The following SEMA4C variants were observed in gnomAD, a reference collection of about 807,000 sequenced individuals.
SEMA4C encodes the protein semaphorin-4C.
In SEMA4C, 19 loss-of-function variants were observed where a neutral mutation model predicts 89.0. The ratio of observed to expected loss-of-function variants is 0.21; its 90% CI spans 0.15 to 0.31. The LOEUF is 0.31. SEMA4C is among the 10% of genes least tolerant of loss of function. The probability of loss-of-function intolerance (pLI) is 1.00; values close to 1 mark genes in which losing one functional copy is unlikely to be tolerated. For synonymous variants in SEMA4C, 428 were observed against 472.7 expected (o/e 0.91, Z 1.23); for missense variants, 811 against 1,107.0 (o/e 0.73, Z 3.79).
rs774153807 is a variant in SEMA4C at position 96,861,828 on chromosome 2, G to A, written c.1510C>T (p.Arg504Cys). ...GCGAGGACACAGTCTGCACAGGAGC[G>A]ATACTTCATGCAGTCGGCCACGGGC... ...QLPVADCMKYRSCADCVLARD... is the reference protein window; with the variant it reads ...QLPVADCMKYCSCADCVLARD... The change falls in exon 13 of 15, where the codon CGC becomes TGC. Residue 504 changes from arginine (R) to cysteine (C), a missense_variant. Around this residue, in one of 4 missense-constraint regions of SEMA4C, gnomAD observed 441 missense variants for 664.9 expected, o/e 0.66. Coordinates refer to ENST00000305476, the MANE Select transcript of SEMA4C (RefSeq NM_017789.5). This position sits in a 1 kb window ranked among gnomAD's most constrained non-coding sequence, Gnocchi z 7.8. 4.5e-5 allele frequency: 73 copies of A among 1,612,740 alleles called. No homozygotes were observed. The highest frequency in any genetic ancestry group is 5.8e-5 in the Non-Finnish European group (69 of 1,180,002).
At chr2:96,867,245 G>A (rs1229731853) in intron 2 of SEMA4C, among the ~76,000 whole-genome samples, 5 of 152,204 alleles carry the variant, frequency 3.3e-5, no homozygotes, top group Non-Finnish European at 7.3e-5. Context: ...TGGGAGGTGA[G>A]CTCATCCCAG....
intron 1 of SEMA4C, chr2:96,869,035 G>A: frequency 4.1e-6 from 4 of 985,330 alleles, no homozygotes; most frequent in Non-Finnish European, 4.8e-6. Flanking sequence ...CAGCTCCAGG[G>A]ATTTGAACGC....
chr2:96,860,283 C>T lies in SEMA4C; in HGVS notation c.*343G>A, dbSNP rs576389835. The T allele has an allele frequency of 4.6e-5, 13 of 280,706 alleles. No homozygotes were observed. In the East Asian group the frequency reaches 7.4e-4, roughly 16 times the overall value. The allele number at this position is 280,706 out of a possible 1,614,324, so 17.4% of individuals were successfully genotyped here. ...GAAGGCTATGCCACAAGCGCGCACGCGCGTGCACACACACATACACACACA... is the reference window on the plus strand; with the variant it reads ...GAAGGCTATGCCACAAGCGCGCACGTGCGTGCACACACACATACACACACA... On this transcript the variant is annotated 3_prime_UTR_variant, in exon 15 of 15. Coordinates refer to ENST00000305476, the MANE Select transcript of SEMA4C (RefSeq NM_017789.5).
chr2:96,867,197 G>T (rs78257260), intron 2 of SEMA4C, among the ~76,000 whole-genome samples: 11,447 of 152,244 alleles, frequency 0.075, 1,430 homozygotes, highest in African/African-American at 0.26. Flanking sequence ...GACACAGACC[G>T]GCATGGCAGG....
chr2:96,870,101 C>T, upstream of SEMA4C: 5 of 963,378 alleles, frequency 5.2e-6, no homozygotes, highest in Non-Finnish European at 6.2e-6. Flanking sequence ...CGGCTCTCCG[C>T]CCCCTTCCCC....
At position 96,861,314 on chromosome 2, in the gene SEMA4C, T is replaced by C. The variant is rs891369753; in HGVS notation, c.1814A>G (p.Tyr605Cys). The C allele has an allele frequency of 6.2e-7, 1 of 1,607,286 alleles. No individual in the cohort carries two copies. Among genetic ancestry groups the C allele is most frequent in the Non-Finnish European group, 8.5e-7 (1 of 1,179,884 alleles). ...LPAEQPGSFL[Y>C]DARLQALVVM... ...AACCAGGGCCTGGAGCCGGGCATCG[T>C]AGAGGAAGGACCCGGGCTGTTCCGC... Residue 605 changes from tyrosine to cysteine, a missense_variant, in exon 15 of 15, where the codon TAC (tyrosine) becomes TGC (cysteine). Around this residue, in one of 4 missense-constraint regions of SEMA4C, gnomAD observed 441 missense variants for 664.9 expected, o/e 0.66. Coordinates refer to ENST00000305476, the MANE Select transcript of SEMA4C (RefSeq NM_017789.5). The surrounding 1 kb of genome is among the most constrained non-coding windows in gnomAD (Gnocchi z 7.8).
chr2:96,863,106 A>C (rs2079989395), intron 12 of SEMA4C: 4 of 287,546 alleles, frequency 1.4e-5, no homozygotes, highest in Non-Finnish European at 2.1e-5. Context: ...GCTACTCAGG[A>C]GGCTGAGGCA....
At position 96,861,541 on chromosome 2, in the gene SEMA4C, A is replaced by G; in HGVS notation, c.1672+38T>C. 2 of 1,606,736 alleles carry G rather than the reference A, an allele frequency of 1.2e-6. No individual in the cohort carries two copies. Among genetic ancestry groups the G allele is most frequent in the Non-Finnish European group, 1.7e-6 (2 of 1,174,188 alleles). On this transcript the variant is annotated intron_variant, in intron 14 of 14. Coordinates refer to ENST00000305476, the MANE Select transcript of SEMA4C (RefSeq NM_017789.5). This position sits in a 1 kb window ranked among gnomAD's most constrained non-coding sequence, Gnocchi z 7.8. The stretch of plus-strand genomic sequence containing the variant: ...AGAACAGAAACTCCAGCTCTGGTCC[A>G]GGGCTCAGCCCGATGCGACGGGAAT...
At position 96,860,616 on chromosome 2, in the gene SEMA4C, G is replaced by A. The variant is rs1168265931; in HGVS notation, c.*10C>T. On this transcript the variant is annotated 3_prime_UTR_variant, in exon 15 of 15. Coordinates refer to ENST00000305476, the MANE Select transcript of SEMA4C (RefSeq NM_017789.5). Reference sequence around the variant, plus strand: ...TCCCACGCTTCCCGCCGACGCGGTGGGGGTTCCCCTCATACTGATGACTCC... The same window carrying A: ...TCCCACGCTTCCCGCCGACGCGGTGAGGGTTCCCCTCATACTGATGACTCC... The A allele has an allele frequency of 6.3e-7, 1 of 1,581,774 alleles. No individual in the cohort carries two copies. The highest frequency in any genetic ancestry group is 8.6e-7 in the Non-Finnish European group (1 of 1,162,080).
chr2:96,860,960 C>G lies in SEMA4C; in HGVS notation c.2168G>C (p.Cys723Ser), dbSNP rs2079927763. 1 of 1,612,946 alleles carries G rather than the reference C, an allele frequency of 6.2e-7. No homozygotes were observed. The highest frequency in any genetic ancestry group is 1.7e-5 in the Admixed American group (1 of 60,008). Reference protein sequence around the residue: ...KEPTSPPFRPCPEPDEKLWDP... With the variant: ...KEPTSPPFRPSPEPDEKLWDP... ...CCAAAGTTTCTCATCTGGTTCAGGACAGGGCCGGAAGGGGGGACTGGTGGG... is the reference window on the plus strand; with the variant it reads ...CCAAAGTTTCTCATCTGGTTCAGGAGAGGGCCGGAAGGGGGGACTGGTGGG... The change falls in exon 15 of 15, where the codon TGT (cysteine) becomes TCT (serine). Residue 723 changes from cysteine (C) to serine (S), a missense_variant. Coordinates refer to ENST00000305476, the MANE Select transcript of SEMA4C (RefSeq NM_017789.5).
chr2:96,868,909 T>G, intron 1 of SEMA4C: 1 of 985,392 alleles, frequency 1.0e-6, no homozygotes, highest in Non-Finnish European at 1.2e-6. Flanking sequence ...TGGCTTCCCC[T>G]GCTCCAGCCT....
In SEMA4C at chr2:96,861,071, A is replaced by G. The variant is rs1476011862; in HGVS notation, c.2057T>C (p.Leu686Ser). 1 of 1,612,754 alleles carries G rather than the reference A, an allele frequency of 6.2e-7. No individual in the cohort carries two copies. The highest frequency in any genetic ancestry group is 8.5e-7 in the Non-Finnish European group (1 of 1,179,982). Residue 686 changes from leucine (L) to serine (S), a missense_variant, in exon 15 of 15, where the codon TTG (leucine) becomes TCG (serine). This residue lies in a region of SEMA4C where 248 missense variants were observed against 269.0 expected (regional missense o/e 0.92). Transcript: ENST00000305476. This position sits in a 1 kb window ranked among gnomAD's most constrained non-coding sequence, Gnocchi z 7.8. ...CLVLLLLVLS[L>S]RRRLREELEK... is the part of the protein sequence containing the mutation. ...CAGCTCTTCCCGCAGCCGCCGGCGC[A>G]ATGACAGCACCAGCAGCAGCAGCAC...
chr2:96,866,633 G>T (rs2080079006), intron 2 of SEMA4C: 1 of 723,190 alleles, frequency 1.4e-6, no homozygotes, highest in Non-Finnish European at 2.5e-6. Context: ...CCTGGGAGGA[G>T]GCAAATCCAG....
At chr2:96,868,722 C>A (rs1366442358) in intron 1 of SEMA4C, 2 of 956,656 alleles carry the variant, frequency 2.1e-6, no homozygotes, top group African/African-American at 3.7e-5. Context: ...TCGGGGACTC[C>A]GGCGGCGCGC....
Position 96,863,969 on chromosome 2 carries a change from T to C in SEMA4C, c.1287A>G (p.Thr429=), listed in dbSNP as rs765180147. The C allele has an allele frequency of 1.9e-6, 3 of 1,613,394 alleles. No individual in the cohort carries two copies. The highest frequency in any genetic ancestry group is 2.7e-5 in the African/African-American group (2 of 74,926). The change falls in exon 11 of 15, where the codon ACA becomes ACG. Residue 429 remains threonine (T), a synonymous_variant. Transcript: ENST00000305476. ...NFTHLVADRV[T]GLDGATYTVL... is the part of the protein sequence containing the mutation. Reference sequence around the variant, plus strand: ...CTGTATAGGTGGCTCCATCAAGTCCTGTAACCCGGTCGGCCACCAGGTGGG... The same window carrying C: ...CTGTATAGGTGGCTCCATCAAGTCCCGTAACCCGGTCGGCCACCAGGTGGG...
Position 96,865,742 on chromosome 2 carries a change from C to T in SEMA4C, c.344G>A (p.Arg115His), listed in dbSNP as rs765973411. ...NNQTECFNFI[R>H]FLQPYNASHL... Reference sequence around the variant, plus strand: ...GGAGGCATTGTAGGGCTGCAGGAAGCGGATGAAGTTGAAGCACTCGGTCTG... The same window carrying T: ...GGAGGCATTGTAGGGCTGCAGGAAGTGGATGAAGTTGAAGCACTCGGTCTG... Residue 115 changes from arginine (R) to histidine (H), a missense_variant, in exon 5 of 15, where the codon CGC (arginine) becomes CAC (histidine). Physicochemically the swap from Arg to His is conservative, Grantham distance 29. This residue lies in a region of SEMA4C where 119 missense variants were observed against 152.7 expected (regional missense o/e 0.78). Coordinates refer to ENST00000305476, the MANE Select transcript of SEMA4C (RefSeq NM_017789.5). 4 of 1,614,076 alleles carry T rather than the reference C, an allele frequency of 2.5e-6. No individual in the cohort carries two copies. Among genetic ancestry groups the T allele is most frequent in the East Asian group, 2.2e-5 (1 of 44,878 alleles).
chr2:96,869,771 G>GC (rs2080166505), intron 1 of SEMA4C, 105 bp downstream of exon 1: 1 of 981,498 alleles, frequency 1.0e-6, no homozygotes, highest in African/African-American at 1.8e-5. Context: ...CCGCGCCCCA[G>GC]CCCCTGTCCC....
rs1173766568 is a variant in SEMA4C at position 96,864,862 on chromosome 2, G to A, written c.805C>T (p.Arg269Trp). ...GTGGTCCACTTCCTCTGCAGGGTCC[G>A]TGCGCCCCCCATATCGCCCTGGCAG... ...RVCKGDMGGARTLQRKWTTFL... is the reference protein window; with the variant it reads ...RVCKGDMGGAWTLQRKWTTFL... The change falls in exon 9 of 15, where the codon CGG becomes TGG. Residue 269 changes from arginine (R) to tryptophan (W), a missense_variant. Coordinates refer to ENST00000305476, the MANE Select transcript of SEMA4C (RefSeq NM_017789.5). This position sits in a 1 kb window ranked among gnomAD's most constrained non-coding sequence, Gnocchi z 6.3. 2 of 1,613,124 alleles carry A rather than the reference G, an allele frequency of 1.2e-6. No homozygotes were observed. Among genetic ancestry groups the A allele is most frequent in the Admixed American group, 1.7e-5 (1 of 59,994 alleles).
At chr2:96,869,685 C>G in intron 1 of SEMA4C, 191 bp downstream of exon 1, 1 of 985,226 alleles carries the variant, frequency 1.0e-6, no homozygotes, top group Non-Finnish European at 1.2e-6. Flanking sequence ...GCGCCCCACT[C>G]CCGAGACCCT....
Sources: allele counts gnomAD v4.1 joint callset (sites outside exome capture counted in the v4.1 genomes callset), GRCh38; gene constraint gnomAD v4.1.1; regional missense constraint gnomAD v4.1.1; non-coding constraint Gnocchi (gnomAD v3.1); transcripts MANE v1.5; gene names NCBI Gene and HGNC (gene_info 2026-07-23, HGNC 2026-07-21).